DYNC2H1: variants seen among roughly 807,000 people sequenced by gnomAD.
DYNC2H1 encodes dynein cytoplasmic 2 heavy chain 1.
DYNC2H1 carries 410 observed loss-of-function variants against 570.0 expected under a neutral mutation model. That is an observed-to-expected ratio of 0.72 (90% CI 0.66 to 0.78). The LOEUF is 0.78. Among genes scored for constraint, DYNC2H1 ranks in the 30% least tolerant of loss-of-function variants. DYNC2H1 has a pLI of 0.00. For missense variants in DYNC2H1, 4,865 were observed against 5,046.4 expected (o/e 0.96, Z 1.09); for synonymous variants, 1,688 against 1,677.6 (o/e 1.01, Z -0.15).
intron 88 of DYNC2H1, among the ~76,000 whole-genome samples, chr11:103,475,123 C>G (rs1392480158): frequency 6.6e-6 from 1 of 152,086 alleles, no homozygotes. Flanking sequence ...AAATTTTAGC[C>G]TCATTATTGA....
chr11:103,163,097 A>G lies in DYNC2H1; in HGVS notation c.4561A>G (p.Thr1521Ala), dbSNP rs756098102. 65 of 1,613,262 alleles carry G rather than the reference A, an allele frequency of 4.0e-5. 1 individual carries two copies. The highest frequency in any genetic ancestry group is 5.4e-5 in the Non-Finnish European group (64 of 1,179,420). The stretch of plus-strand genomic sequence containing the variant: ...ACAGTTGTTGAAGGAATGTGTTACT[A>G]CTGGGCGAAGTTCTCAAGGTGCAGT... ...LEQLLKECVT[T>A]GRSSQGAVDP... The change falls in exon 30 of 89, where the codon ACT becomes GCT. Residue 1521 changes from threonine to alanine, a missense_variant. Thr to Ala is a moderately conservative substitution (Grantham distance 58). This residue lies in a region of DYNC2H1 where 1,936 missense variants were observed against 1,962.1 expected (regional missense o/e 0.99). Coordinates refer to ENST00000375735, the MANE Select transcript of DYNC2H1 (RefSeq NM_001377.3). This position sits in a 1 kb window ranked among gnomAD's most constrained non-coding sequence, Gnocchi z 4.6.
chr11:103,129,311 A>C lies in DYNC2H1; in HGVS notation c.1953+306A>C, dbSNP rs963951262. Among the ~76,000 whole-genome samples the C allele has an allele frequency of 1.8e-4, 27 of 152,170 alleles. No homozygotes were observed. Among genetic ancestry groups the C allele is most frequent in the African/African-American group, 6.5e-4 (27 of 41,444 alleles). The stretch of plus-strand genomic sequence containing the variant: ...GGTCCTTATACACAAGCTTCCTTAG[A>C]CCTTTCCCACCACCTCCCAATTTTG... On this transcript the variant is annotated intron_variant, in intron 13 of 88. Coordinates refer to ENST00000375735, the MANE Select transcript of DYNC2H1 (RefSeq NM_001377.3). The surrounding 1 kb of genome is among the most constrained non-coding windows in gnomAD (Gnocchi z 4.1).
Position 103,163,710 on chromosome 11 carries a change from T to A in DYNC2H1, c.4611+563T>A, listed in dbSNP as rs1224815251. Reference sequence around the variant, plus strand: ...CAAAATGTAGCACTAAGACTTGTGTTAAACATCCTGCGTTGTTTAATAGTT... The same window carrying A: ...CAAAATGTAGCACTAAGACTTGTGTAAAACATCCTGCGTTGTTTAATAGTT... On this transcript the variant is annotated intron_variant, in intron 30 of 88. Transcript: ENST00000375735. This position sits in a 1 kb window ranked among gnomAD's most constrained non-coding sequence, Gnocchi z 4.6. 1.3e-5 allele frequency among the ~76,000 whole-genome samples: 2 copies of A among 152,184 alleles called. No homozygotes were observed. Among genetic ancestry groups the A allele is most frequent in the African/African-American group, 4.8e-5 (2 of 41,456 alleles).
In DYNC2H1 at chr11:103,129,093, T is replaced by C; in HGVS notation, c.1953+88T>C. 9.0e-7 allele frequency: 1 copy of C among 1,109,364 alleles called. No individual in the cohort carries two copies. The highest frequency in any genetic ancestry group is 1.3e-6 in the Non-Finnish European group (1 of 781,374). The allele number at this position is 1,109,364 out of a possible 1,614,324, so 68.7% of individuals were successfully genotyped here. A position where few individuals can be genotyped will look rare whatever the true frequency, so the allele number is the denominator to read the frequency against. On this transcript the variant is annotated intron_variant, in intron 13 of 88. Transcript: ENST00000375735. This position sits in a 1 kb window ranked among gnomAD's most constrained non-coding sequence, Gnocchi z 4.1. ...TTCCGGTGTTCCCTTCAGCTTAATA[T>C]ATCAAATGATCTAGATTTTGTTTTG...
Position 103,163,870 on chromosome 11 carries a change from T to TA in DYNC2H1, c.4611+732dup, listed in dbSNP as rs947354987. Reference sequence around the variant, plus strand: ...CTCTCAAAGTTATTTGCTTTTCAAATAAAAAAAAATGTAGTGGCTATTGGA... The same window carrying TA: ...CTCTCAAAGTTATTTGCTTTTCAAATAAAAAAAAAATGTAGTGGCTATTGGA... On this transcript the variant is annotated intron_variant, in intron 30 of 88. Coordinates refer to ENST00000375735, the MANE Select transcript of DYNC2H1 (RefSeq NM_001377.3). This position sits in a 1 kb window ranked among gnomAD's most constrained non-coding sequence, Gnocchi z 4.6. Among the ~76,000 whole-genome samples the TA allele has an allele frequency of 4.0e-5, 6 of 151,176 alleles. No individual in the cohort carries two copies. The highest frequency in any genetic ancestry group is 7.3e-5 in the African/African-American group (3 of 41,172).
chr11:103,186,183 T>A lies in DYNC2H1; in HGVS notation c.6634-59T>A, dbSNP rs1000847116. 2 of 1,490,768 alleles carry A rather than the reference T, an allele frequency of 1.3e-6. No homozygotes were observed. The highest frequency in any genetic ancestry group is 4.7e-5 in the East Asian group (2 of 42,596). 92.3% of individuals were successfully genotyped at this position (1,490,768 alleles called of 1,614,324 possible). A position where few individuals can be genotyped will look rare whatever the true frequency, so the allele number is the denominator to read the frequency against. On this transcript the variant is annotated intron_variant, in intron 41 of 88. Transcript: ENST00000375735. This position sits in a 1 kb window ranked among gnomAD's most constrained non-coding sequence, Gnocchi z 4.5. ...TTTTGGGATATTTACTTGGAAGAAT[T>A]TTAAAATGTCACACACTCTGGAGTA...
At chr11:103,194,185 T>A (rs1862426596) in intron 47 of DYNC2H1, among the ~76,000 whole-genome samples, 1 of 151,376 alleles carries the variant, frequency 6.6e-6, no homozygotes, top group Non-Finnish European at 1.5e-5. Context: ...TTTTGTCACT[T>A]CAAGAAAGTT....
intron 31 of DYNC2H1, among the ~76,000 whole-genome samples, 182 bp downstream of exon 31, chr11:103,166,230 A>G (rs960844602): frequency 6.6e-6 from 1 of 152,172 alleles, no homozygotes; most frequent in Non-Finnish European, 1.5e-5. Context: ...TAAATAGAAT[A>G]TAGAAACCTT....
rs1866086861 is a variant in DYNC2H1 at position 103,280,460 on chromosome 11, G to A, written c.10761+47G>A. 1 of 1,433,662 alleles carries A rather than the reference G, an allele frequency of 7.0e-7. No individual in the cohort carries two copies. The allele number at this position is 1,433,662 out of a possible 1,614,324, so 88.8% of individuals were successfully genotyped here. On this transcript the variant is annotated intron_variant, in intron 71 of 88. Transcript: ENST00000375735. The surrounding 1 kb of genome is among the most constrained non-coding windows in gnomAD (Gnocchi z 4.7). ...AAATTTTACAGTAACATAGAAATTT[G>A]TTAATGGGTGGATTTATGTTTAGAT... is the stretch of plus-strand genomic sequence containing the variant.
intron 21 of DYNC2H1, among the ~76,000 whole-genome samples, chr11:103,152,985 C>A (rs1860639085): frequency 6.6e-6 from 1 of 152,138 alleles, no homozygotes; most frequent in Non-Finnish European, 1.5e-5. Flanking sequence ...GAACAATCAG[C>A]AGTCATCAAA....
intron 79 of DYNC2H1, 107 bp from the exon 80 acceptor site, chr11:103,316,438 T>C (rs1937845914): frequency 6.0e-6 from 4 of 665,966 alleles, no homozygotes; most frequent in Non-Finnish European, 9.5e-6. Context: ...TCAGGAGTTA[T>C]ATATTTTTAA....
rs551289949 is a variant in DYNC2H1, at chr11:103,249,989, A to G, written c.10043-3296A>G. 3.5e-4 allele frequency among the ~76,000 whole-genome samples: 53 copies of G among 152,204 alleles called. No homozygotes were observed. The highest frequency in any genetic ancestry group is 1.3e-3 in the African/African-American group (52 of 41,560). ...AGCCAAAATCCTCTAACAAGCCTCT[A>G]TTAAGTCCTTTGTACTGACATAATG... On this transcript the variant is annotated intron_variant, in intron 65 of 88. Transcript: ENST00000375735. This position sits in a 1 kb window ranked among gnomAD's most constrained non-coding sequence, Gnocchi z 4.6.
chr11:103,233,205 G>T (rs1429064050), intron 60 of DYNC2H1, among the ~76,000 whole-genome samples: 3 of 151,606 alleles, frequency 2.0e-5, no homozygotes, highest in African/African-American at 7.3e-5. Flanking sequence ...GAGAACCTGA[G>T]AAATAATTTA....
chr11:103,283,669 C>T (rs1470557155), intron 73 of DYNC2H1, among the ~76,000 whole-genome samples: 1 of 152,022 alleles, frequency 6.6e-6, no homozygotes, highest in African/African-American at 2.4e-5. Flanking sequence ...TTGTAATTTT[C>T]CTTGTGTCAC....
In DYNC2H1 at chr11:103,445,799, A is replaced by C. The variant is rs201366764; in HGVS notation, c.12457-9387A>C. On this transcript the variant is annotated intron_variant, in intron 85 of 88. Transcript: ENST00000375735. ...CCCTAGCAGCTGGGACTACAGGCGC[A>C]CACCATCATGCCCGGCTAATTTTTT... 3.4e-4 allele frequency among the ~76,000 whole-genome samples: 52 copies of C among 152,162 alleles called. 1 individual carries two copies. Among genetic ancestry groups the C allele is most frequent in the South Asian group, 1.5e-3 (7 of 4,818 alleles).
intron 82 of DYNC2H1, among the ~76,000 whole-genome samples, chr11:103,329,308 G>A (rs1411516025): frequency 6.6e-6 from 1 of 151,868 alleles, no homozygotes; most frequent in African/African-American, 2.4e-5. Flanking sequence ...TGATGGGAGG[G>A]AGTGATGCTG....
chr11:103,375,701 T>C (rs1941364098), intron 83 of DYNC2H1, among the ~76,000 whole-genome samples: 1 of 152,246 alleles, frequency 6.6e-6, no homozygotes, highest in South Asian at 2.1e-4. Context: ...TTCTCCCATT[T>C]ACAATGGGTG....
intron 77 of DYNC2H1, among the ~76,000 whole-genome samples, chr11:103,306,707 T>C (rs1022898838): frequency 2.0e-5 from 3 of 152,304 alleles, no homozygotes; most frequent in South Asian, 2.1e-4. Context: ...ATTAAATGAA[T>C]GTTAGTGTTA....
chr11:103,114,666 G>A (rs1858287775), intron 3 of DYNC2H1, among the ~76,000 whole-genome samples: 1 of 152,232 alleles, frequency 6.6e-6, no homozygotes, highest in African/African-American at 2.4e-5. Context: ...TTTGTTCCTA[G>A]GAGCAATACA....
Sources: allele counts gnomAD v4.1 joint callset (sites outside exome capture counted in the v4.1 genomes callset), GRCh38; gene constraint gnomAD v4.1.1; regional missense constraint gnomAD v4.1.1; non-coding constraint Gnocchi (gnomAD v3.1); transcripts MANE v1.5; gene names NCBI Gene and HGNC (gene_info 2026-07-23, HGNC 2026-07-21).